CRB1: variants seen among roughly 807,000 people sequenced by gnomAD.
The protein encoded by CRB1 is crumbs cell polarity complex component 1.
CRB1 carries 83 observed loss-of-function variants against 120.0 expected under a neutral mutation model. The observed-to-expected ratio is 0.69, with a 90% CI of 0.58 to 0.83. The LOEUF is 0.83. Ranked by LOEUF, CRB1 falls within the 40% of genes least tolerant of loss-of-function variation. CRB1 has a pLI of 0.00. For synonymous variants in CRB1, 625 were observed against 612.5 expected (o/e 1.02, Z -0.30); for missense variants, 1,699 against 1,687.6 (o/e 1.01, Z -0.12).
At chr1:197,450,975 A>G (rs886786871) in intron 11 of CRB1, among the ~76,000 whole-genome samples, 3 of 150,404 alleles carry the variant, frequency 2.0e-5, no homozygotes, top group Admixed American at 6.6e-5. Flanking sequence ...AAAAAAAAAA[A>G]AAAAAAGAAA....
Position 197,357,477 on chromosome 1 carries a change from C to T in CRB1, c.1171+464C>T, listed in dbSNP as rs1025945489. Reference sequence around the variant, plus strand: ...CATTCCACATATCAAATTTAAATTACTCTTTTTTTTTCACAACTTGCTTAC... The same window carrying T: ...CATTCCACATATCAAATTTAAATTATTCTTTTTTTTTCACAACTTGCTTAC... On this transcript the variant is annotated intron_variant, in intron 5 of 11. Transcript: ENST00000367400. The T allele has an allele frequency of 6.8e-5, 10 of 146,874 alleles. No individual in the cohort carries two copies. In the East Asian group the frequency reaches 1.9e-3, roughly 28 times the overall value. 9.1% of individuals were successfully genotyped at this position (146,874 alleles called of 1,614,324 possible).
chr1:197,361,327 A>T (rs953638837), intron 5 of CRB1, among the ~76,000 whole-genome samples: 1 of 151,950 alleles, frequency 6.6e-6, no homozygotes, highest in Admixed American at 6.6e-5. Context: ...GATGTTAATT[A>T]TTCTTTAAAT....
chr1:197,222,439 T>C, the CRB1 span: 1 of 768,450 alleles, frequency 1.3e-6, no homozygotes, highest in South Asian at 1.3e-5. Flanking sequence ...GCTACCGTCA[T>C]GGTGATGGTG....
intron 1 of CRB1, among the ~76,000 whole-genome samples, chr1:197,291,964 A>C (rs564749669): frequency 1.2e-3 from 188 of 152,182 alleles, no homozygotes; most frequent in African/African-American, 4.3e-3. Flanking sequence ...AAGAGAAAGC[A>C]GGAAAGATCT....
chr1:197,401,802 T>C lies in CRB1; in HGVS notation c.1172-19198T>C, dbSNP rs558087334. Among the ~76,000 whole-genome samples, 3 of 152,282 alleles carry C rather than the reference T, an allele frequency of 2.0e-5. No individual in the cohort carries two copies. In the South Asian group the frequency reaches 6.2e-4, roughly 32 times the overall value. On this transcript the variant is annotated intron_variant, in intron 5 of 11. Coordinates refer to ENST00000367400, the MANE Select transcript of CRB1 (RefSeq NM_201253.3). ...ACTTATCATAAGTAGTATCTCTTTC[T>C]GTTATCTACAAATTTGAATGACAGT...
intron 5 of CRB1, among the ~76,000 whole-genome samples, chr1:197,409,224 TAC>T (rs1044488438): frequency 6.6e-6 from 1 of 152,232 alleles, no homozygotes; most frequent in African/African-American, 2.4e-5. Flanking sequence ...CTATACGCTG[TAC>T]ACACACAATC....
chr1:197,343,253 T>C (rs973666671), intron 2 of CRB1, among the ~76,000 whole-genome samples: 1 of 152,182 alleles, frequency 6.6e-6, no homozygotes, highest in Non-Finnish European at 1.5e-5. Flanking sequence ...TTTTAATATA[T>C]AATTTATTAT....
At chr1:197,355,786 C>T (rs1338892991) in intron 4 of CRB1, among the ~76,000 whole-genome samples, 1 of 152,188 alleles carries the variant, frequency 6.6e-6, no homozygotes, top group Admixed American at 6.5e-5. Flanking sequence ...CTCCACACCT[C>T]CCCGCAGGCT....
chr1:197,344,392 T>C lies in CRB1; in HGVS notation c.764T>C (p.Leu255Pro). 6.2e-7 allele frequency: 1 copy of C among 1,613,992 alleles called. No individual in the cohort carries two copies. Among genetic ancestry groups the C allele is most frequent in the South Asian group, 1.1e-5 (1 of 91,076 alleles). The change falls in exon 3 of 12, where the codon CTG (leucine) becomes CCG (proline). Residue 255 changes from leucine to proline, a missense_variant. Transcript: ENST00000367400. ...AYFCDCAPGF[L>P]GDHCELNTDE... ...TTCTGCGACTGTGCCCCTGGATTCC[T>C]GGGGGATCACTGTGAACTCAACACT...
At chr1:197,320,454 G>C (rs1342748370) in intron 1 of CRB1, among the ~76,000 whole-genome samples, 1 of 152,082 alleles carries the variant, frequency 6.6e-6, no homozygotes, top group Non-Finnish European at 1.5e-5. Flanking sequence ...TTAAATTTTA[G>C]TATCATAAAA....
At chr1:197,412,592 C>T (rs1452236551) in intron 5 of CRB1, among the ~76,000 whole-genome samples, 3 of 152,102 alleles carry the variant, frequency 2.0e-5, no homozygotes, top group Non-Finnish European at 2.9e-5. Context: ...TGAATATGTT[C>T]CCTCTCCTTC....
At chr1:197,298,134 T>A (rs1656646732) in intron 1 of CRB1, among the ~76,000 whole-genome samples, 2 of 152,178 alleles carry the variant, frequency 1.3e-5, no homozygotes, top group African/African-American at 2.4e-5. Flanking sequence ...TCTTTTGTTC[T>A]ATTTTTAGCA....
chr1:197,303,207 G>A (rs1476409110), intron 1 of CRB1, among the ~76,000 whole-genome samples: 3 of 150,706 alleles, frequency 2.0e-5, no homozygotes, highest in Non-Finnish European at 4.4e-5. Flanking sequence ...ATGTATACAT[G>A]TGCCATGCTG....
upstream of CRB1, among the ~76,000 whole-genome samples, chr1:197,264,049 A>G (rs543613302): frequency 1.3e-5 from 2 of 152,262 alleles, no homozygotes; most frequent in African/African-American, 4.8e-5. Context: ...AGAGTAGTGA[A>G]GTTTAGGCTT....
At chr1:197,243,078 G>C in the CRB1 span, among the ~76,000 whole-genome samples, 1 of 151,192 alleles carries the variant, frequency 6.6e-6, no homozygotes, top group African/African-American at 2.4e-5. Flanking sequence ...TCCTTCATTA[G>C]TCTGGCTAGT....
At chr1:197,354,825 ACCCCCCCCCCCCGCCCACC>A (rs1660361790) in intron 4 of CRB1, among the ~76,000 whole-genome samples, 13 of 14,216 alleles carry the variant, frequency 9.1e-4, no homozygotes, top group Admixed American at 1.3e-3. Context: ...CCGCCCCCCC[ACCCCCCCCCCCCGCCCACC>A]CCCCCCCCCC....
At chr1:197,289,015 A>T (rs2125233816) in intron 1 of CRB1, among the ~76,000 whole-genome samples, 1 of 151,618 alleles carries the variant, frequency 6.6e-6, no homozygotes, top group South Asian at 2.1e-4. Context: ...CAGCATGTGG[A>T]GAGTGATCCA....
chr1:197,232,296 T>C, the CRB1 span, among the ~76,000 whole-genome samples: 2 of 152,200 alleles, frequency 1.3e-5, no homozygotes, highest in African/African-American at 4.8e-5. Context: ...TAGGCTACTG[T>C]GTGTGGTAAT....
At chr1:197,447,553 G>A (rs1312426055) in intron 11 of CRB1, 1 of 152,126 alleles carries the variant, frequency 6.6e-6, no homozygotes, top group East Asian at 1.9e-4. Flanking sequence ...TTAAAAGGGT[G>A]TCTGCCAGCT....
Sources: gnomAD v4.1 joint callset for allele counts (sites outside exome capture counted in the v4.1 genomes callset) on GRCh38, gnomAD v4.1.1 for gene constraint, MANE v1.5 for transcripts, NCBI Gene and HGNC (gene_info 2026-07-23, HGNC 2026-07-21) for gene names.